ATAD2B: variants seen among roughly 807,000 people sequenced by gnomAD.
The protein encoded by ATAD2B is ATPase family AAA domain-containing protein 2B.
A neutral mutation model predicts 167.6 loss-of-function variants in ATAD2B; 40 were observed. That is an observed-to-expected ratio of 0.24 (90% CI 0.19 to 0.31). ATAD2B has a LOEUF of 0.31. ATAD2B is among the 10% of genes least tolerant of loss of function. The pLI is 1.00. For synonymous variants in ATAD2B, 579 were observed against 596.5 expected (o/e 0.97, Z 0.43); for missense variants, 1,242 against 1,757.2 (o/e 0.71, Z 5.24).
chr2:23,774,091 T>C (rs1426944727), intron 22 of ATAD2B, among the ~76,000 whole-genome samples: 3 of 152,216 alleles, frequency 2.0e-5, no homozygotes, highest in Non-Finnish European at 4.4e-5. Flanking sequence ...AACAAAATTA[T>C]TAAGAGTAAC....
intron 12 of ATAD2B, among the ~76,000 whole-genome samples, chr2:23,860,052 A>G (rs911039593): frequency 6.6e-6 from 1 of 152,170 alleles, no homozygotes; most frequent in African/African-American, 2.4e-5. Flanking sequence ...TAAATAGACT[A>G]ATGTGGCTGA....
chr2:23,832,148 T>C (rs955132466), intron 14 of ATAD2B: 31 of 453,214 alleles, frequency 6.8e-5, no homozygotes, highest in Non-Finnish European at 1.0e-4. Flanking sequence ...ACCCTCCTCA[T>C]TGATACATTT....
chr2:23,730,289 C>T, the ATAD2B span, among the ~76,000 whole-genome samples: 6 of 151,984 alleles, frequency 3.9e-5, no homozygotes, highest in African/African-American at 1.2e-4. Context: ...AAAAATTAAA[C>T]AATACACATC....
intron 2 of ATAD2B, among the ~76,000 whole-genome samples, chr2:23,893,037 A>G (rs898809829): frequency 6.6e-6 from 1 of 152,184 alleles, no homozygotes; most frequent in Admixed American, 6.5e-5. Context: ...TATTTTACTA[A>G]AAGTATCAAT....
At chr2:23,764,745 C>T (rs993517896) in intron 23 of ATAD2B, among the ~76,000 whole-genome samples, 2 of 152,224 alleles carry the variant, frequency 1.3e-5, no homozygotes, top group African/African-American at 4.8e-5. Context: ...CCCCGCACCT[C>T]TTGAGCCCTA....
intron 13 of ATAD2B, among the ~76,000 whole-genome samples, chr2:23,836,712 T>C (rs929660541): frequency 1.3e-5 from 2 of 151,968 alleles, no homozygotes; most frequent in Non-Finnish European, 1.5e-5. Context: ...CTGGAGTGGG[T>C]AGCTCCTCTC....
chr2:23,851,942 C>T (rs548374221), intron 13 of ATAD2B, among the ~76,000 whole-genome samples: 3 of 148,932 alleles, frequency 2.0e-5, no homozygotes, highest in Non-Finnish European at 3.0e-5. Flanking sequence ...AGAGAAAACA[C>T]AGGTTATCAC....
At chr2:23,841,798 G>C (rs1690958521) in intron 13 of ATAD2B, among the ~76,000 whole-genome samples, 2 of 152,172 alleles carry the variant, frequency 1.3e-5, no homozygotes, top group Non-Finnish European at 2.9e-5. Flanking sequence ...TTACAAGCGT[G>C]AGCCACTACA....
At position 23,819,768 on chromosome 2, in the gene ATAD2B, T is replaced by G; in HGVS notation, c.2246A>C (p.Lys749Thr). 7 of 1,608,480 alleles carry G rather than the reference T, an allele frequency of 4.4e-6. No homozygotes were observed. The highest frequency in any genetic ancestry group is 5.9e-6 in the Non-Finnish European group (7 of 1,176,984). ...TCACATTGTAAAATGAAGGTAGGGTTTATGTATAGCAGCAGATGATGACTG... is the reference window on the plus strand; with the variant it reads ...TCACATTGTAAAATGAAGGTAGGGTGTATGTATAGCAGCAGATGATGACTG... ...KKQSSSAAIH[K>T]PYLHFTMSPY... Residue 749 changes from lysine to threonine, a missense_variant, in exon 17 of 28, where the codon AAA (lysine) becomes ACA (threonine). Lys to Thr is a moderately conservative substitution (Grantham distance 78). Coordinates refer to ENST00000238789, the MANE Select transcript of ATAD2B (RefSeq NM_017552.4).
At chr2:23,701,669 TG>T in the ATAD2B span, among the ~76,000 whole-genome samples, 2 of 83,038 alleles carry the variant, frequency 2.4e-5, no homozygotes, top group Non-Finnish European at 5.7e-5. Flanking sequence ...GCCATAATCA[TG>T]CCACTCACTG....
At chr2:23,925,756 T>C (rs1704669752) in intron 1 of ATAD2B, among the ~76,000 whole-genome samples, 2 of 152,240 alleles carry the variant, frequency 1.3e-5, no homozygotes, top group South Asian at 2.1e-4. Flanking sequence ...ACTGCATGAC[T>C]ATGGTGTTCA....
chr2:23,872,413 C>T, intron 8 of ATAD2B: 1 of 711,936 alleles, frequency 1.4e-6, no homozygotes, highest in South Asian at 1.4e-5. Flanking sequence ...TTCAGAGAGA[C>T]CATCCAAATG....
At chr2:23,872,806 C>T in intron 8 of ATAD2B, 1 of 1,007,820 alleles carries the variant, frequency 9.9e-7, no homozygotes, top group Non-Finnish European at 1.6e-6. Flanking sequence ...CTAGCACTGT[C>T]CAGAGGGTCC....
intron 8 of ATAD2B, among the ~76,000 whole-genome samples, chr2:23,874,777 C>T (rs779478563): frequency 6.6e-6 from 1 of 151,866 alleles, no homozygotes; most frequent in Non-Finnish European, 1.5e-5. Context: ...ATAATTAGGG[C>T]CGGGTGTGGT....
intron 13 of ATAD2B, among the ~76,000 whole-genome samples, chr2:23,853,707 G>A (rs1006549078): frequency 2.0e-5 from 3 of 152,178 alleles, no homozygotes; most frequent in African/African-American, 7.2e-5. Flanking sequence ...AGAGGCTTTA[G>A]AAATGTAAAT....
the ATAD2B span, among the ~76,000 whole-genome samples, chr2:23,682,690 G>C: frequency 6.8e-6 from 1 of 146,940 alleles, no homozygotes; most frequent in South Asian, 2.2e-4. The surrounding 1 kb of genome is among the most constrained non-coding windows in gnomAD (Gnocchi z 4.1). Flanking sequence ...ACACCCTCCC[G>C]CACCCTCCCG....
At chr2:23,868,000 T>A in intron 9 of ATAD2B, 54 bp from the exon 10 acceptor site, 1 of 1,208,348 alleles carries the variant, frequency 8.3e-7, no homozygotes, top group Middle Eastern at 1.9e-4. Flanking sequence ...ACATTTTTAA[T>A]GTCAAAATAA....
the ATAD2B span, among the ~76,000 whole-genome samples, chr2:23,701,783 CTTTTTTTTGCTTTTTTT>C: frequency 1.7e-5 from 2 of 118,492 alleles, no homozygotes; most frequent in African/African-American, 6.3e-5. Flanking sequence ...GCACACATGG[CTTTTTTTTGCTTTTTTT>C]TTTTTTTTTT....
At chr2:23,859,785 T>C (rs1694045870) in intron 12 of ATAD2B, among the ~76,000 whole-genome samples, 1 of 151,428 alleles carries the variant, frequency 6.6e-6, no homozygotes. Flanking sequence ...CCGTCTCTAC[T>C]AAAAACACAA....
Sources: gnomAD v4.1 joint callset for allele counts (sites outside exome capture counted in the v4.1 genomes callset) on GRCh38, gnomAD v4.1.1 for gene constraint, Gnocchi (gnomAD v3.1) non-coding constraint, MANE v1.5 for transcripts, NCBI Gene and HGNC (gene_info 2026-07-23, HGNC 2026-07-21) for gene names.